Variants in EYS observed in about 807,000 individuals in gnomAD.
The protein encoded by EYS is protein eyes shut homolog.
In EYS, 250 loss-of-function variants were observed where a neutral mutation model predicts 282.1. The observed-to-expected ratio is 0.89, with a 90% CI of 0.80 to 0.98. The LOEUF (loss-of-function observed/expected upper bound fraction) is 0.98, where lower values mean the gene tolerates loss of function less well. EYS is among the 50% of genes least tolerant of loss of function. EYS has a pLI of 0.00. For synonymous variants in EYS, 1,355 were observed against 1,282.9 expected, an observed-to-expected ratio of 1.06 and a Z score of -1.20; for missense variants, 4,016 against 3,709.0, an observed-to-expected ratio of 1.08 and a Z score of -2.15.
chr6:64,789,088 A>G (rs938013323), intron 22 of EYS, among the ~76,000 whole-genome samples: 3 of 152,192 alleles, frequency 2.0e-5, no homozygotes, highest in South Asian at 2.1e-4. Context: ...ATGCTACTAT[A>G]CAATGTCAAG....
intron 5 of EYS, among the ~76,000 whole-genome samples, chr6:65,481,531 T>C (rs1765606393): frequency 6.6e-6 from 1 of 151,980 alleles, no homozygotes; most frequent in Admixed American, 6.6e-5. Flanking sequence ...TTTGAGACAA[T>C]TTTTTGTTTG....
chr6:65,358,227 C>A (rs531494695), intron 8 of EYS, among the ~76,000 whole-genome samples: 1 of 151,814 alleles, frequency 6.6e-6, no homozygotes, highest in South Asian at 2.1e-4. Context: ...CCATTTAATT[C>A]ATAGATTAGG....
chr6:65,053,455 G>A (rs1773329958), intron 13 of EYS, among the ~76,000 whole-genome samples: 2 of 131,866 alleles, frequency 1.5e-5, no homozygotes, highest in African/African-American at 2.4e-5. Context: ...AGTACAATGG[G>A]GTAAGAGTCA....
At chr6:65,525,819 G>C (rs1378862313) in intron 2 of EYS, among the ~76,000 whole-genome samples, 1 of 152,086 alleles carries the variant, frequency 6.6e-6, no homozygotes, top group African/African-American at 2.4e-5. Context: ...GATTGTTTTG[G>C]AATTTCACAA....
intron 41 of EYS, among the ~76,000 whole-genome samples, chr6:63,746,595 A>G (rs972786880): frequency 4.6e-5 from 7 of 152,152 alleles, no homozygotes; most frequent in Admixed American, 3.9e-4. Context: ...TGCTGCCTCA[A>G]TTTTAGAACT....
At chr6:64,943,436 C>T (rs1266835855) in intron 15 of EYS, among the ~76,000 whole-genome samples, 2 of 151,974 alleles carry the variant, frequency 1.3e-5, no homozygotes, top group Non-Finnish European at 2.9e-5. Flanking sequence ...TGATTCTACA[C>T]CTAGAAGATG....
intron 22 of EYS, among the ~76,000 whole-genome samples, chr6:64,789,893 A>G (rs1774135851): frequency 6.6e-6 from 1 of 151,630 alleles, no homozygotes; most frequent in Admixed American, 6.6e-5. Context: ...TGATATATAT[A>G]TATATATATA....
At chr6:63,944,311 A>G (rs1765328616) in intron 35 of EYS, among the ~76,000 whole-genome samples, 1 of 152,246 alleles carries the variant, frequency 6.6e-6, no homozygotes, top group South Asian at 2.1e-4. Flanking sequence ...GATATATAAT[A>G]AATGAGAAAA....
At chr6:65,439,565 A>T (rs982206366) in intron 5 of EYS, among the ~76,000 whole-genome samples, 1 of 152,132 alleles carries the variant, frequency 6.6e-6, no homozygotes, top group African/African-American at 2.4e-5. Flanking sequence ...GGTCCTCCAC[A>T]TCCCTTGTAA....
intron 12 of EYS, among the ~76,000 whole-genome samples, chr6:65,134,027 A>G (rs1775954754): frequency 6.6e-6 from 1 of 152,160 alleles, no homozygotes; most frequent in Non-Finnish European, 1.5e-5. Flanking sequence ...ATAACTGACC[A>G]TTAGAGAAAT....
intron 26 of EYS, among the ~76,000 whole-genome samples, chr6:64,520,415 G>A (rs918144783): frequency 2.0e-5 from 3 of 151,590 alleles, no homozygotes; most frequent in Admixed American, 2.0e-4. Context: ...GGTAACACTA[G>A]GTAAACAAAA....
At chr6:65,160,237 T>C (rs1173194308) in intron 12 of EYS, among the ~76,000 whole-genome samples, 1 of 151,018 alleles carries the variant, frequency 6.6e-6, no homozygotes, top group Non-Finnish European at 1.5e-5. Flanking sequence ...GTCATGTAAC[T>C]TTCAGTTTTT....
At position 63,873,364 on chromosome 6, in the gene EYS, G is replaced by A. The variant is rs1197744373; in HGVS notation, c.7056-9006C>T. ...TTTTTATGGCTGCATAGTATTCCAT[G>A]GTATATATGTGACACATTTTCTTAA... On this transcript the variant is annotated intron_variant, in intron 35 of 42. Coordinates refer to ENST00000503581, the MANE Select transcript of EYS (RefSeq NM_001142800.2). Among the ~76,000 whole-genome samples the A allele has an allele frequency of 3.3e-5, 5 of 152,196 alleles. No individual in the cohort carries two copies. The East Asian group carries it at 9.7e-4, about 29-fold the overall frequency.
At chr6:64,861,219 G>A (rs577018691) in intron 19 of EYS, among the ~76,000 whole-genome samples, 117 of 152,310 alleles carry the variant, frequency 7.7e-4, no homozygotes, top group African/African-American at 2.5e-3. Flanking sequence ...TCCCATGCTC[G>A]TTGGTGCCCA....
intron 22 of EYS, among the ~76,000 whole-genome samples, chr6:64,735,166 C>T (rs1382158244): frequency 2.0e-5 from 3 of 152,126 alleles, no homozygotes; most frequent in Non-Finnish European, 4.4e-5. Context: ...TCACTGCAAG[C>T]TCCATCTTCC....
Position 64,066,609 on chromosome 6 carries a change from C to T in EYS, c.6572-118G>A, listed in dbSNP as rs1771381646. On this transcript the variant is annotated intron_variant, in intron 32 of 42. Coordinates refer to ENST00000503581, the MANE Select transcript of EYS (RefSeq NM_001142800.2). ...ATGATTTAGGGGGTTGGTAGGAGTGCTATTAGATAATTATTCAGTGTAATA... is the reference window on the plus strand; with the variant it reads ...ATGATTTAGGGGGTTGGTAGGAGTGTTATTAGATAATTATTCAGTGTAATA... 7 of 680,268 alleles carry T rather than the reference C, an allele frequency of 1.0e-5. No individual in the cohort carries two copies. In the South Asian group the frequency reaches 1.4e-4, roughly 14 times the overall value. 42.1% of individuals were successfully genotyped at this position (680,268 alleles called of 1,614,324 possible). A position where few individuals can be genotyped will look rare whatever the true frequency, so the allele number is the denominator to read the frequency against.
At chr6:64,816,117 A>G (rs934813749) in intron 21 of EYS, among the ~76,000 whole-genome samples, 5 of 152,006 alleles carry the variant, frequency 3.3e-5, no homozygotes, top group Admixed American at 2.6e-4. Flanking sequence ...TACTTTCCTC[A>G]ATTAAGATCT....
intron 14 of EYS, among the ~76,000 whole-genome samples, chr6:64,957,785 T>A (rs1044232923): frequency 4.6e-5 from 7 of 152,042 alleles, no homozygotes; most frequent in African/African-American, 1.4e-4. Context: ...TCAAAAAAAA[T>A]TAGTGCCTGT....
chr6:64,313,796 T>G (rs533619994), intron 29 of EYS, among the ~76,000 whole-genome samples: 1 of 152,182 alleles, frequency 6.6e-6, no homozygotes, highest in South Asian at 2.1e-4. Flanking sequence ...GAAATAAAAT[T>G]CATTACAGAC....
Sources: allele counts gnomAD v4.1 joint callset (sites outside exome capture counted in the v4.1 genomes callset), GRCh38; gene constraint gnomAD v4.1.1; transcripts MANE v1.5; gene names NCBI Gene and HGNC (gene_info 2026-07-23, HGNC 2026-07-21).